DLGAP2: variants seen among roughly 807,000 people sequenced by gnomAD.
The protein encoded by DLGAP2 is DLG associated protein 2.
In DLGAP2, 26 loss-of-function variants were observed where a neutral mutation model predicts 100.3. The observed-to-expected ratio is 0.26, with a 90% CI of 0.19 to 0.36. The LOEUF (loss-of-function observed/expected upper bound fraction) is 0.36. DLGAP2 is among the 10% of genes least tolerant of loss of function. DLGAP2 has a pLI of 1.00. For missense variants in DLGAP2, 1,858 were observed against 1,453.2 expected, an observed-to-expected ratio of 1.28 and a Z score of -4.53; for synonymous variants, 886 against 630.1, an observed-to-expected ratio of 1.41 and a Z score of -6.08.
In DLGAP2 at chr8:1,428,839, G is replaced by A. The variant is rs550571946; in HGVS notation, c.107-72527G>A. On this transcript the variant is annotated intron_variant, in intron 3 of 14. Coordinates refer to ENST00000637795, the MANE Select transcript of DLGAP2 (RefSeq NM_001346810.2). ...GCCTTAAACAAAATCTGGCATGCAC[G>A]GTCTACATCCAGCTGCTCACTCACC... 1.3e-4 allele frequency among the ~76,000 whole-genome samples: 20 copies of A among 152,284 alleles called. No individual in the cohort carries two copies. The South Asian group carries it at 2.9e-3, about 22-fold the overall frequency.
chr8:911,588 T>C (rs1476055002), intron 2 of DLGAP2, among the ~76,000 whole-genome samples: 2 of 151,924 alleles, frequency 1.3e-5, no homozygotes, highest in Non-Finnish European at 2.9e-5. Flanking sequence ...GTGTATAATG[T>C]ATGTTGGAAG....
intron 1 of DLGAP2, among the ~76,000 whole-genome samples, chr8:847,778 A>G (rs923772042): frequency 1.6e-4 from 25 of 152,192 alleles, no homozygotes; most frequent in Non-Finnish European, 3.1e-4. Flanking sequence ...AAGTGCTGGC[A>G]TTACACAGGC....
At chr8:1,665,379 TCCTC>T (rs1211582089) in intron 8 of DLGAP2, among the ~76,000 whole-genome samples, 5 of 152,158 alleles carry the variant, frequency 3.3e-5, no homozygotes, top group Non-Finnish European at 7.4e-5. Context: ...ACTGATTACT[TCCTC>T]CCTGTTGCAT....
chr8:1,375,291 A>C (rs74883963), intron 3 of DLGAP2, among the ~76,000 whole-genome samples: 26 of 55,194 alleles, frequency 4.7e-4, no homozygotes, highest in African/African-American at 2.2e-3. Flanking sequence ...GGTTAACGAC[A>C]CCTCTCCACG....
At chr8:1,496,163 T>A (rs1799539812) in intron 3 of DLGAP2, among the ~76,000 whole-genome samples, 1 of 152,170 alleles carries the variant, frequency 6.6e-6, no homozygotes, top group East Asian at 1.9e-4. Flanking sequence ...CTGCCCACAA[T>A]CATTTCTTTC....
chr8:1,125,866 C>T (rs761666483), intron 2 of DLGAP2, among the ~76,000 whole-genome samples: 1 of 152,094 alleles, frequency 6.6e-6, no homozygotes, highest in Non-Finnish European at 1.5e-5. Context: ...GGTGGAAATG[C>T]GGGGAGGCAG....
At chr8:1,525,191 C>CTTTTTTTTTT (rs56358216) in intron 4 of DLGAP2, among the ~76,000 whole-genome samples, 2 of 103,674 alleles carry the variant, frequency 1.9e-5, no homozygotes, top group African/African-American at 3.8e-5. Flanking sequence ...ACTCTGATGT[C>CTTTTTTTTTT]TTTTTTTTTT....
intron 6 of DLGAP2, among the ~76,000 whole-genome samples, chr8:1,571,730 A>C (rs1174691785): frequency 1.9e-4 from 21 of 109,742 alleles, no homozygotes; most frequent in East Asian, 3.3e-4. Flanking sequence ...GGGGCGTCTG[A>C]TGAGATGGAG....
intron 6 of DLGAP2, among the ~76,000 whole-genome samples, chr8:1,613,805 A>G (rs1360337155): frequency 1.3e-5 from 2 of 152,198 alleles, no homozygotes; most frequent in Non-Finnish European, 2.9e-5. Context: ...CTGCATGTTC[A>G]GTTCACTCAC....
At chr8:1,236,214 C>T (rs1458599661) in intron 2 of DLGAP2, among the ~76,000 whole-genome samples, 6 of 78,128 alleles carry the variant, frequency 7.7e-5, no homozygotes, top group Non-Finnish European at 1.4e-4. Flanking sequence ...TCTCACATGG[C>T]GCCGTGTCTA....
Position 1,650,995 on chromosome 8 carries a change from C to T in DLGAP2, c.1811-17334C>T, listed in dbSNP as rs371003960. On this transcript the variant is annotated intron_variant, in intron 8 of 14. Transcript: ENST00000637795. ...TGCTGCTGCTTCTCATGTCTGCCTC[C>T]AGCATCTACCACCAAGAAAACCCCT... 2.6e-5 allele frequency among the ~76,000 whole-genome samples: 4 copies of T among 152,278 alleles called. No individual in the cohort carries two copies. In the East Asian group the frequency reaches 5.8e-4, roughly 22 times the overall value.
intron 2 of DLGAP2, among the ~76,000 whole-genome samples, chr8:1,091,078 C>G (rs1346056590): frequency 6.6e-6 from 1 of 152,170 alleles, no homozygotes; most frequent in Non-Finnish European, 1.5e-5. Flanking sequence ...CGTCTGCGCA[C>G]AGGGCTCCGG....
At chr8:1,264,865 C>G (rs1472392956) in intron 3 of DLGAP2, among the ~76,000 whole-genome samples, 1 of 152,124 alleles carries the variant, frequency 6.6e-6, no homozygotes, top group Non-Finnish European at 1.5e-5. Context: ...GAGGGTGAGT[C>G]TTTCCCGTGC....
intron 2 of DLGAP2, among the ~76,000 whole-genome samples, chr8:1,132,692 A>G (rs980505740): frequency 6.6e-6 from 1 of 152,228 alleles, no homozygotes; most frequent in African/African-American, 2.4e-5. Flanking sequence ...CTGCCGCTCT[A>G]ATCCTGGCCT....
chr8:1,160,500 C>T (rs1250473425), intron 2 of DLGAP2, among the ~76,000 whole-genome samples: 1 of 152,124 alleles, frequency 6.6e-6, no homozygotes, highest in Non-Finnish European at 1.5e-5. Context: ...GTCATTTTTT[C>T]GACTGCAGAC....
intron 2 of DLGAP2, among the ~76,000 whole-genome samples, chr8:981,289 G>A (rs942947970): frequency 3.3e-5 from 5 of 152,122 alleles, no homozygotes; most frequent in Admixed American, 2.0e-4. Context: ...CTCCTTGTAG[G>A]CATAGACCAT....
rs146208696 is a variant in DLGAP2 at position 1,602,559 on chromosome 8, G to T, written c.1443-24181G>T. ...CACCCCAGCATCAGGCCTCAGGCCT[G>T]CCCACCTGCACTGGCTTCATTCAGA... On this transcript the variant is annotated intron_variant, in intron 6 of 14. Transcript: ENST00000637795. Among the ~76,000 whole-genome samples, 687 of 152,340 alleles carry T rather than the reference G, an allele frequency of 4.5e-3. 3 individuals are homozygous for T. Among genetic ancestry groups the T allele is most frequent in the African/African-American group, 0.016 (652 of 41,576 alleles).
Position 919,003 on chromosome 8 carries a change from C to T in DLGAP2, c.73+11037C>T, listed in dbSNP as rs549564257. 9.5e-4 allele frequency among the ~76,000 whole-genome samples: 145 copies of T among 152,136 alleles called. 2 individuals are homozygous for T. The highest frequency in any genetic ancestry group is 3.5e-3 in the African/African-American group (144 of 41,498). On this transcript the variant is annotated intron_variant, in intron 2 of 14. Coordinates refer to ENST00000637795, the MANE Select transcript of DLGAP2 (RefSeq NM_001346810.2). ...TTGCCCAGGCTGGAGTGCAGTGGTG[C>T]GATCAGAACTCACTGCAGCCTCAAG...
intron 2 of DLGAP2, among the ~76,000 whole-genome samples, chr8:1,223,182 A>G (rs543537957): frequency 5.9e-5 from 9 of 152,280 alleles, no homozygotes; most frequent in South Asian, 2.1e-4. Context: ...CTCAAGGCCA[A>G]TAACAAGTCC....
Sources: allele counts gnomAD v4.1 joint callset (sites outside exome capture counted in the v4.1 genomes callset), GRCh38; gene constraint gnomAD v4.1.1; transcripts MANE v1.5; gene names NCBI Gene and HGNC (gene_info 2026-07-23, HGNC 2026-07-21).